The following SEC61A2 variants were observed in gnomAD, a reference collection of about 807,000 sequenced individuals.
SEC61A2 encodes the protein SEC61 translocon subunit alpha 2.
SEC61A2 carries 28 observed loss-of-function variants against 59.9 expected under a neutral mutation model. The ratio of observed to expected loss-of-function variants is 0.47; its 90% CI spans 0.35 to 0.64. SEC61A2 has a LOEUF of 0.64. SEC61A2 is among the 30% of genes least tolerant of loss of function. The probability of loss-of-function intolerance (pLI) is 0.01; values close to 1 mark genes in which losing one functional copy is unlikely to be tolerated. For missense variants in SEC61A2, 340 were observed against 585.9 expected, an observed-to-expected ratio of 0.58 and a Z score of 4.33; for synonymous variants, 202 against 214.4, an observed-to-expected ratio of 0.94 and a Z score of 0.50.
chr10:12,162,239 G>C lies in SEC61A2; in HGVS notation c.1194G>C (p.Gln398His). 1 of 1,611,872 alleles carries C rather than the reference G, an allele frequency of 6.2e-7. No individual in the cohort carries two copies. Among genetic ancestry groups the C allele is most frequent in the Non-Finnish European group, 8.5e-7 (1 of 1,179,172 alleles). Residue 398 changes from glutamine to histidine, a missense_variant, in exon 11 of 12, where the codon CAG (glutamine) becomes CAC (histidine). Around this residue, in one of 3 missense-constraint regions of SEC61A2, gnomAD observed 283 missense variants for 483.2 expected, o/e 0.59. Coordinates refer to ENST00000298428, the MANE Select transcript of SEC61A2 (RefSeq NM_018144.4). This position sits in a 1 kb window ranked among gnomAD's most constrained non-coding sequence, Gnocchi z 6.1. ...TAGCTAAACAGCTGAAAGAACAGCA[G>C]ATGGTAATGAGGGGCCACCGAGATA... ...KDVAKQLKEQQMVMRGHRDTS... is the reference protein window; with the variant it reads ...KDVAKQLKEQHMVMRGHRDTS...
chr10:12,141,428 A>C (rs1458997566), intron 3 of SEC61A2, among the ~76,000 whole-genome samples: 2 of 152,162 alleles, frequency 1.3e-5, no homozygotes, highest in South Asian at 2.1e-4. Flanking sequence ...TAATCCCCAC[A>C]TGGTTAAGGA....
At chr10:12,157,861 T>G (rs1028813941) in intron 8 of SEC61A2, 47 bp from the exon 9 acceptor site, 9 of 1,552,876 alleles carry the variant, frequency 5.8e-6, no homozygotes, top group Middle Eastern at 1.7e-4. Context: ...TCTGTTCTTT[T>G]CTTAATGTGT....
rs1373415905 is a variant in SEC61A2, at chr10:12,145,380, A to G, written c.220+2185A>G. 6.6e-6 allele frequency among the ~76,000 whole-genome samples: 1 copy of G among 152,232 alleles called. No individual in the cohort carries two copies. The highest frequency in any genetic ancestry group is 1.5e-5 in the Non-Finnish European group (1 of 68,044). On this transcript the variant is annotated intron_variant, in intron 4 of 11. Coordinates refer to ENST00000298428, the MANE Select transcript of SEC61A2 (RefSeq NM_018144.4). This position sits in a 1 kb window ranked among gnomAD's most constrained non-coding sequence, Gnocchi z 4.4. ...CAAGATAGGCATACTGAAATTTTTGATAGAGAAAGCTAAATTATCTTCCAA... is the reference window on the plus strand; with the variant it reads ...CAAGATAGGCATACTGAAATTTTTGGTAGAGAAAGCTAAATTATCTTCCAA...
In SEC61A2 at chr10:12,161,873, C is replaced by G. The variant is rs139110453; in HGVS notation, c.1168-340C>G. On this transcript the variant is annotated intron_variant, in intron 10 of 11. Coordinates refer to ENST00000298428, the MANE Select transcript of SEC61A2 (RefSeq NM_018144.4). This position sits in a 1 kb window ranked among gnomAD's most constrained non-coding sequence, Gnocchi z 5.4. ...TTTATAACTTAAGCTTTAATTTATA[C>G]ATTTTTAATGAGTCAGTGTCACCCC... 3.7e-4 allele frequency among the ~76,000 whole-genome samples: 56 copies of G among 152,238 alleles called. No individual in the cohort carries two copies. The highest frequency in any genetic ancestry group is 1.3e-3 in the African/African-American group (56 of 41,532).
rs1209318404 is a variant in SEC61A2, at chr10:12,162,311, C to A, written c.1244+22C>A. ...ATAGGTAAGGCTGCTAGACTGACAC[C>A]TTTATAGGCCTGTGTTTGTGTTTCA... On this transcript the variant is annotated intron_variant, in intron 11 of 11. Coordinates refer to ENST00000298428, the MANE Select transcript of SEC61A2 (RefSeq NM_018144.4). The surrounding 1 kb of genome is among the most constrained non-coding windows in gnomAD (Gnocchi z 6.1). 1.3e-6 allele frequency: 2 copies of A among 1,555,356 alleles called. No homozygotes were observed. The highest frequency in any genetic ancestry group is 1.8e-6 in the Non-Finnish European group (2 of 1,127,176).
chr10:12,161,121 TGTAA>T lies in SEC61A2; in HGVS notation c.1167+3_1167+6del, dbSNP rs774740479. Reference sequence around the variant, plus strand: ...AAGTGTCTGGTTCCTCAGCCAAAGATGTAAGTGTTTGGTTTATTTTAAAATAAAA... The same window carrying T: ...AAGTGTCTGGTTCCTCAGCCAAAGATGTGTTTGGTTTATTTTAAAATAAAA... On this transcript the variant is annotated splice_donor_variant and splice_donor_region_variant and intron_variant, in intron 10 of 11. Coordinates refer to ENST00000298428, the MANE Select transcript of SEC61A2 (RefSeq NM_018144.4). LOFTEE classifies it high-confidence loss of function. This position sits in a 1 kb window ranked among gnomAD's most constrained non-coding sequence, Gnocchi z 5.4. 1.3e-6 allele frequency: 2 copies of T among 1,599,464 alleles called. No individual in the cohort carries two copies. Among genetic ancestry groups the T allele is most frequent in the South Asian group, 1.1e-5 (1 of 89,172 alleles).
chr10:12,159,171 G>T (rs1345190692), intron 9 of SEC61A2, among the ~76,000 whole-genome samples: 1 of 151,796 alleles, frequency 6.6e-6, no homozygotes, highest in African/African-American at 2.4e-5. Flanking sequence ...TAGAGACGGG[G>T]TTTAACTGTG....
chr10:12,157,126 G>A, intron 8 of SEC61A2, 59 bp downstream of exon 8: 1 of 1,512,132 alleles, frequency 6.6e-7, no homozygotes, highest in Non-Finnish European at 9.1e-7. Flanking sequence ...TGCTCTTAAA[G>A]AGAATGCCAT....
At chr10:12,165,775 T>C (rs555155992), downstream of SEC61A2, 21 of 152,380 alleles carry the variant, frequency 1.4e-4, no homozygotes, top group African/African-American at 4.8e-4. Flanking sequence ...TTACGTAGCT[T>C]ATGCTTACAA....
intron 2 of SEC61A2, among the ~76,000 whole-genome samples, chr10:12,134,623 A>G (rs751866938): frequency 6.6e-6 from 1 of 152,162 alleles, no homozygotes; most frequent in Non-Finnish European, 1.5e-5. Flanking sequence ...CTGAGGTGAA[A>G]GGGACATTAG....
chr10:12,157,671 T>G (rs1834431765), intron 8 of SEC61A2, among the ~76,000 whole-genome samples: 1 of 151,964 alleles, frequency 6.6e-6, no homozygotes, highest in Non-Finnish European at 1.5e-5. Context: ...CCCAGCTAAT[T>G]TTTTGTATTT....
At chr10:12,135,992 A>G in intron 2 of SEC61A2, 113 bp from the exon 3 acceptor site, 1 of 734,172 alleles carries the variant, frequency 1.4e-6, no homozygotes, top group South Asian at 1.5e-5. Context: ...CATAACGGAC[A>G]TTCCCAATTT....
rs1834555559 is a variant in SEC61A2, at chr10:12,162,531, G to A, written c.1244+242G>A. 4.6e-6 allele frequency: 3 copies of A among 652,136 alleles called. No homozygotes were observed. The highest frequency in any genetic ancestry group is 5.7e-6 in the Non-Finnish European group (2 of 349,950). 40.4% of individuals were successfully genotyped at this position (652,136 alleles called of 1,614,324 possible). The stretch of plus-strand genomic sequence containing the variant: ...ATCTTGCAGATCAGTGCTGTTCTCA[G>A]CATTGGCTGGCTGCACATACAATCA... On this transcript the variant is annotated intron_variant, in intron 11 of 11. Transcript: ENST00000298428. The surrounding 1 kb of genome is among the most constrained non-coding windows in gnomAD (Gnocchi z 6.1).
Position 12,160,845 on chromosome 10 carries a change from C to T in SEC61A2, c.976-85C>T, listed in dbSNP as rs992497031. 3 of 1,171,010 alleles carry T rather than the reference C, an allele frequency of 2.6e-6. No homozygotes were observed. Among genetic ancestry groups the T allele is most frequent in the East Asian group, 4.8e-5 (2 of 41,334 alleles). The allele number at this position is 1,171,010 out of a possible 1,614,324, so 72.5% of individuals were successfully genotyped here. A position where few individuals can be genotyped will look rare whatever the true frequency, so the allele number is the denominator to read the frequency against. On this transcript the variant is annotated intron_variant, in intron 9 of 11. Transcript: ENST00000298428. The surrounding 1 kb of genome is among the most constrained non-coding windows in gnomAD (Gnocchi z 4.1). ...AGATGCCTTGAACTTAAAACACTGTCATTTCTGAGAAGTTTGAAGTGACAT... is the reference window on the plus strand; with the variant it reads ...AGATGCCTTGAACTTAAAACACTGTTATTTCTGAGAAGTTTGAAGTGACAT...
intron 8 of SEC61A2, 136 bp downstream of exon 8, chr10:12,157,203 C>T (rs1834418477): frequency 3.8e-6 from 3 of 786,890 alleles, no homozygotes; most frequent in Non-Finnish European, 6.1e-6. Context: ...CAATTAGAGT[C>T]TCCAGACTCT....
chr10:12,134,164 GC>G lies in SEC61A2; in HGVS notation c.75+859del, dbSNP rs1469978435. Among the ~76,000 whole-genome samples, 7 of 152,286 alleles carry G rather than the reference GC, an allele frequency of 4.6e-5. No homozygotes were observed. In the South Asian group the frequency reaches 1.5e-3, roughly 32 times the overall value. On this transcript the variant is annotated intron_variant, in intron 2 of 11. Coordinates refer to ENST00000298428, the MANE Select transcript of SEC61A2 (RefSeq NM_018144.4). ...TGGGACTACAGGCGCCCACCACCAT[GC>G]CCGGCTAATTTTTTTGTATTTTTAG...
chr10:12,146,271 G>A (rs1834135173), intron 4 of SEC61A2, among the ~76,000 whole-genome samples: 1 of 152,098 alleles, frequency 6.6e-6, no homozygotes, highest in African/African-American at 2.4e-5. Context: ...ACCCACCTTG[G>A]CCTCCCAAAG....
chr10:12,136,636 A>G (rs1833894560), intron 3 of SEC61A2, among the ~76,000 whole-genome samples: 1 of 151,144 alleles, frequency 6.6e-6, no homozygotes, highest in Non-Finnish European at 1.5e-5. Flanking sequence ...TTTTTGTTTT[A>G]TTTTATTTTT....
In SEC61A2 at chr10:12,146,420, G is replaced by A. The variant is rs980795596; in HGVS notation, c.221-3175G>A. On this transcript the variant is annotated intron_variant, in intron 4 of 11. Coordinates refer to ENST00000298428, the MANE Select transcript of SEC61A2 (RefSeq NM_018144.4). ...GCACAGTACAGGTTTGGATGCTGGG[G>A]GCCTACTCCTGTGCTGCATTTTCCT... Among the ~76,000 whole-genome samples the A allele has an allele frequency of 2.6e-5, 4 of 152,160 alleles. No homozygotes were observed. In the East Asian group the frequency reaches 5.8e-4, roughly 22 times the overall value.
Sources: allele counts gnomAD v4.1 joint callset (sites outside exome capture counted in the v4.1 genomes callset), GRCh38; gene constraint gnomAD v4.1.1; regional missense constraint gnomAD v4.1.1; non-coding constraint Gnocchi (gnomAD v3.1); transcripts MANE v1.5; gene names NCBI Gene and HGNC (gene_info 2026-07-23, HGNC 2026-07-21).